Variants in COL4A2 observed in about 807,000 individuals in gnomAD.
COL4A2 encodes the protein collagen alpha-2(IV) chain.
In COL4A2, 99 loss-of-function variants were observed where a neutral mutation model predicts 200.2. That is an observed-to-expected ratio of 0.49 (90% CI 0.42 to 0.58). COL4A2 has a LOEUF of 0.58. Ranked by LOEUF, COL4A2 falls within the 20% of genes least tolerant of loss-of-function variation. The probability of loss-of-function intolerance (pLI) is 0.00; values close to 1 mark genes in which losing one functional copy is unlikely to be tolerated. For missense variants in COL4A2, 1,950 were observed against 2,314.1 expected, an observed-to-expected ratio of 0.84 and a Z score of 3.23; for synonymous variants, 897 against 900.6, an observed-to-expected ratio of 1.00 and a Z score of 0.07.
intron 21 of COL4A2, 57 bp downstream of exon 21, chr13:110,457,492 C>A: frequency 2.9e-6 from 3 of 1,023,050 alleles, no homozygotes; most frequent in Non-Finnish European, 4.6e-6. Context: ...AAGTCCCTCA[C>A]CTTACAGAAG....
At chr13:110,430,483 C>G in intron 9 of COL4A2, 47 bp downstream of exon 9, 1 of 1,614,084 alleles carries the variant, frequency 6.2e-7, no homozygotes, top group South Asian at 1.1e-5. Flanking sequence ...AGTTTAAGAG[C>G]TTCAGAACTC....
chr13:110,349,307 A>G (rs1876848756), intron 3 of COL4A2, among the ~76,000 whole-genome samples: 1 of 152,222 alleles, frequency 6.6e-6, no homozygotes, highest in Admixed American at 6.5e-5. Context: ...GCGATTCCTC[A>G]GACATCTACC....
intron 34 of COL4A2, among the ~76,000 whole-genome samples, chr13:110,488,980 A>G (rs2139533290): frequency 6.6e-6 from 1 of 152,310 alleles, no homozygotes; most frequent in East Asian, 1.9e-4. Context: ...CTGTAATCCC[A>G]GCACTTTGGG....
intron 32 of COL4A2, among the ~76,000 whole-genome samples, chr13:110,484,350 A>G (rs2139527474): frequency 6.6e-6 from 1 of 152,256 alleles, no homozygotes; most frequent in Non-Finnish European, 1.5e-5. Context: ...TCCAGTGAGC[A>G]TGGATTCCGG....
At chr13:110,470,031 C>T (rs1436302319) in intron 28 of COL4A2, among the ~76,000 whole-genome samples, 2 of 151,390 alleles carry the variant, frequency 1.3e-5, no homozygotes, top group East Asian at 2.0e-4. Flanking sequence ...TCTCCTGCCT[C>T]AGCCTCCTGA....
At chr13:110,489,935 C>G (rs772337511) in intron 36 of COL4A2, 150 bp downstream of exon 36, 46 of 751,356 alleles carry the variant, frequency 6.1e-5, no homozygotes, top group South Asian at 1.8e-4. Flanking sequence ...CAAGAAAGAC[C>G]GTCGTTTTTA....
intron 4 of COL4A2, among the ~76,000 whole-genome samples, chr13:110,398,238 A>G (rs1305635504): frequency 1.3e-5 from 2 of 152,024 alleles, no homozygotes; most frequent in Admixed American, 1.3e-4. Context: ...TTCAAGTGCA[A>G]CTTTTTCAAA....
intron 35 of COL4A2, 64 bp downstream of exon 35, chr13:110,489,572 C>G (rs1883216924): frequency 6.3e-7 from 1 of 1,595,906 alleles, no homozygotes; most frequent in Non-Finnish European, 8.6e-7. Context: ...AGCATGTGAG[C>G]CAATTTCAGA....
At chr13:110,313,429 G>A (rs1324981960) in intron 3 of COL4A2, among the ~76,000 whole-genome samples, 17 of 151,668 alleles carry the variant, frequency 1.1e-4, no homozygotes, top group African/African-American at 3.4e-4. Flanking sequence ...TTCAAAGGAC[G>A]TGCGAGCAGC....
At chr13:110,387,765 C>T (rs562583770) in intron 4 of COL4A2, among the ~76,000 whole-genome samples, 6 of 152,180 alleles carry the variant, frequency 3.9e-5, no homozygotes, top group Non-Finnish European at 8.8e-5. Flanking sequence ...TCTTTTAAGG[C>T]GATTCTGAGG....
In COL4A2 at chr13:110,493,239, C is replaced by T; in HGVS notation, c.3591C>T (p.Gly1197=). ...PGFPGLRGIR[G]LHGLPGTKGF... ...TTCCGGGACTCCGTGGGATCCGCGGCTTACACGGCTTGCCAGGCACCAAGG... is the reference window on the plus strand; with the variant it reads ...TTCCGGGACTCCGTGGGATCCGCGGTTTACACGGCTTGCCAGGCACCAAGG... The change falls in exon 39 of 48, where the codon GGC becomes GGT. Residue 1197 remains glycine (G), a synonymous_variant. Transcript: ENST00000360467. The T allele has an allele frequency of 6.2e-7, 1 of 1,614,196 alleles. No homozygotes were observed. The highest frequency in any genetic ancestry group is 1.3e-5 in the African/African-American group (1 of 75,072).
chr13:110,505,589 G>A (rs990403927), intron 45 of COL4A2, among the ~76,000 whole-genome samples: 2 of 152,140 alleles, frequency 1.3e-5, no homozygotes, highest in African/African-American at 4.8e-5. Flanking sequence ...TGGAAGGGGA[G>A]GGGACAATGG....
chr13:110,409,487 C>T (rs1019232668), intron 4 of COL4A2, among the ~76,000 whole-genome samples: 15 of 152,238 alleles, frequency 9.9e-5, no homozygotes, highest in African/African-American at 1.4e-4. Flanking sequence ...ACACCAAATG[C>T]GCAGGAAGCG....
chr13:110,473,969 A>AT (rs1555331452), intron 29 of COL4A2, among the ~76,000 whole-genome samples: 12 of 151,748 alleles, frequency 7.9e-5, no homozygotes, highest in East Asian at 1.9e-4. Context: ...TACAAAAAAA[A>AT]AATAATAATT....
chr13:110,438,924 C>T (rs1236153513), intron 15 of COL4A2, among the ~76,000 whole-genome samples: 9 of 152,196 alleles, frequency 5.9e-5, no homozygotes, highest in African/African-American at 2.4e-5. Context: ...GGTGTGCAGA[C>T]GCGGCCCTCC....
intron 3 of COL4A2, among the ~76,000 whole-genome samples, chr13:110,318,943 TTG>T (rs1309565378): frequency 6.6e-6 from 1 of 151,314 alleles, no homozygotes; most frequent in Non-Finnish European, 1.5e-5. Context: ...AGGTTGGGGG[TTG>T]TGTCTGCAGG....
chr13:110,491,761 G>C lies in COL4A2; in HGVS notation c.3455-309G>C, dbSNP rs116884614. Among the ~76,000 whole-genome samples, 1,102 of 152,326 alleles carry C rather than the reference G, an allele frequency of 7.2e-3. 7 individuals carry two copies. Among genetic ancestry groups the C allele is most frequent in the Non-Finnish European group, 0.013 (855 of 68,028 alleles). On this transcript the variant is annotated intron_variant, in intron 37 of 47. Coordinates refer to ENST00000360467, the MANE Select transcript of COL4A2 (RefSeq NM_001846.4). ...TTTACTCAGCACCGGGGAATGCCAA[G>C]AGGCTCATCTCTCCAGGCACTGCCT...
At chr13:110,469,160 C>T in intron 27 of COL4A2, 57 bp from the exon 28 acceptor site, 1 of 1,540,990 alleles carries the variant, frequency 6.5e-7, no homozygotes, top group Non-Finnish European at 8.8e-7. Flanking sequence ...CAAGCATGAC[C>T]ATGCCCATTT....
At chr13:110,446,723 C>T in intron 17 of COL4A2, 75 bp from the exon 18 acceptor site, 1 of 1,330,324 alleles carries the variant, frequency 7.5e-7, no homozygotes, top group Non-Finnish European at 1.1e-6. Flanking sequence ...CGGGTTTCTT[C>T]TTTGGAAATA....
Sources: gnomAD v4.1 joint callset for allele counts (sites outside exome capture counted in the v4.1 genomes callset) on GRCh38, gnomAD v4.1.1 for gene constraint, MANE v1.5 for transcripts, NCBI Gene and HGNC (gene_info 2026-07-23, HGNC 2026-07-21) for gene names.